Variants in COL18A1 observed in about 807,000 individuals in gnomAD.
COL18A1 encodes collagen type XVIII alpha 1 chain.
In COL18A1, 133 loss-of-function variants were observed where a neutral mutation model predicts 168.0. The ratio of observed to expected loss-of-function variants is 0.79; its 90% CI spans 0.69 to 0.91. The LOEUF (loss-of-function observed/expected upper bound fraction) is 0.91, where lower values mean the gene tolerates loss of function less well. COL18A1 is among the 40% of genes least tolerant of loss of function. The pLI is 0.00. For missense variants in COL18A1, 2,126 were observed against 1,925.4 expected (o/e 1.10, Z -1.95); for synonymous variants, 949 against 809.0 (o/e 1.17, Z -2.94).
chr21:45,508,806 C>T (rs2037403885), intron 38 of COL18A1, among the ~76,000 whole-genome samples: 1 of 152,148 alleles, frequency 6.6e-6, no homozygotes, highest in Non-Finnish European at 1.5e-5. Flanking sequence ...TAACACACAG[C>T]CTGGCCCTGT....
intron 9 of COL18A1, among the ~76,000 whole-genome samples, chr21:45,479,403 GCACGTGCACACATCA>G (rs1205574943): frequency 1.3e-5 from 2 of 150,320 alleles, no homozygotes; most frequent in Non-Finnish European, 3.0e-5. Context: ...CATGCTACAC[GCACGTGCACACATCA>G]CACGTGGACA....
chr21:45,497,856 C>A, intron 32 of COL18A1, 195 bp downstream of exon 32: 1 of 702,322 alleles, frequency 1.4e-6, no homozygotes, highest in Non-Finnish European at 2.4e-6. Context: ...GCGAGGGTGG[C>A]TGCAGGGCAC....
chr21:45,432,036 C>A (rs752013922), intron 2 of COL18A1, among the ~76,000 whole-genome samples: 2 of 152,224 alleles, frequency 1.3e-5, no homozygotes, highest in Non-Finnish European at 2.9e-5. Context: ...CACAGCTGAG[C>A]CTGCTGTGGG....
In COL18A1 at chr21:45,495,448, G is replaced by A. The variant is rs2146002811; in HGVS notation, c.2508+16G>A. ...TGGCATGAGGGTGAGTGTCTCTCAA[G>A]GGGCGGACTGGGTGGCTGGGAGACC... On this transcript the variant is annotated intron_variant, in intron 29 of 41. Coordinates refer to ENST00000651438, the MANE Select transcript of COL18A1 (RefSeq NM_001379500.1). 2 of 1,592,448 alleles carry A rather than the reference G, an allele frequency of 1.3e-6. No individual in the cohort carries two copies. Among genetic ancestry groups the A allele is most frequent in the Non-Finnish European group, 1.7e-6 (2 of 1,167,646 alleles).
rs559454036 is a variant in COL18A1, at chr21:45,488,069, G to A, written c.1897-349G>A. Among the ~76,000 whole-genome samples, 47 of 152,222 alleles carry A rather than the reference G, an allele frequency of 3.1e-4. 1 individual carries two copies. Among genetic ancestry groups the A allele is most frequent in the Non-Finnish European group, 5.3e-4 (36 of 68,028 alleles). ...TCCCCTCCACACCACCAGCGCTCTCGTGGCGCCAGCATGGAGGAGCCCCCG... is the reference window on the plus strand; with the variant it reads ...TCCCCTCCACACCACCAGCGCTCTCATGGCGCCAGCATGGAGGAGCCCCCG... On this transcript the variant is annotated intron_variant, in intron 17 of 41. Coordinates refer to ENST00000651438, the MANE Select transcript of COL18A1 (RefSeq NM_001379500.1).
In COL18A1 at chr21:45,494,873, A is replaced by G. The variant is rs746156581; in HGVS notation, c.2391A>G (p.Gly797=). Reference sequence around the variant, plus strand: ...CCTTCCTCTTGCAGGGTCCATACGGACGGCCGGGGTACAAGGGAGAGATTG... The same window carrying G: ...CCTTCCTCTTGCAGGGTCCATACGGGCGGCCGGGGTACAAGGGAGAGATTG... ...PGFRGPPGPY[G]RPGYKGEIGF... The change falls in exon 28 of 42, where the codon GGA becomes GGG. Residue 797 remains glycine, a synonymous_variant. Transcript: ENST00000651438. The G allele has an allele frequency of 7.5e-6, 12 of 1,609,878 alleles. No individual in the cohort carries two copies. Among genetic ancestry groups the G allele is most frequent in the African/African-American group, 2.7e-5 (2 of 74,798 alleles).
In COL18A1 at chr21:45,478,272, A is replaced by G. The variant is rs1193681616; in HGVS notation, c.1222-55A>G. On this transcript the variant is annotated intron_variant, in intron 8 of 41. Coordinates refer to ENST00000651438, the MANE Select transcript of COL18A1 (RefSeq NM_001379500.1). ...GGGTGCATTTCCATGTAGACACTGT[A>G]GGTGGCGCCGGAGGAGTCATTTCCC... 1.9e-6 allele frequency: 3 copies of G among 1,611,236 alleles called. No individual in the cohort carries two copies. The African/African-American group carries it at 4.0e-5, about 22-fold the overall frequency.
Position 45,506,860 on chromosome 21 carries a change from C to T in COL18A1, c.3217-701C>T, listed in dbSNP as rs538296970. Reference sequence around the variant, plus strand: ...GCCCCCTCCTAGGCCTGGCCAGCCCCTGCAGCACCCCAGACAGTGAATCCC... The same window carrying T: ...GCCCCCTCCTAGGCCTGGCCAGCCCTTGCAGCACCCCAGACAGTGAATCCC... On this transcript the variant is annotated intron_variant, in intron 37 of 41. Transcript: ENST00000651438. The T allele has an allele frequency of 2.2e-5, 4 of 182,256 alleles. No individual in the cohort carries two copies. In the South Asian group the frequency reaches 4.5e-4, roughly 20 times the overall value. The allele number at this position is 182,256 out of a possible 1,614,324, so 11.3% of individuals were successfully genotyped here. A position where few individuals can be genotyped will look rare whatever the true frequency, so the allele number is the denominator to read the frequency against.
chr21:45,454,553 C>T lies in COL18A1; in HGVS notation c.107-13689C>T, dbSNP rs551989250. Among the ~76,000 whole-genome samples the T allele has an allele frequency of 1.6e-3, 246 of 152,332 alleles. 1 individual carries two copies. The highest frequency in any genetic ancestry group is 5.7e-3 in the African/African-American group (238 of 41,576). On this transcript the variant is annotated intron_variant, in intron 2 of 41. Transcript: ENST00000651438. ...TGAGTGAGCACGCCTGTGTAAACTGCCTGGCTCCACCTCTGATGGGCTCCG... is the reference window on the plus strand; with the variant it reads ...TGAGTGAGCACGCCTGTGTAAACTGTCTGGCTCCACCTCTGATGGGCTCCG...
At chr21:45,448,680 G>C (rs138370492) in intron 2 of COL18A1, among the ~76,000 whole-genome samples, 1 of 152,350 alleles carries the variant, frequency 6.6e-6, no homozygotes, top group South Asian at 2.1e-4. Flanking sequence ...TCATTGTCAC[G>C]CCTGAGAAGT....
intron 19 of COL18A1, among the ~76,000 whole-genome samples, chr21:45,489,798 C>G (rs1401056503): frequency 6.7e-6 from 1 of 150,008 alleles, no homozygotes; most frequent in East Asian, 2.0e-4. Context: ...GCCCCTGCCA[C>G]CGGCCTCCCG....
In COL18A1 at chr21:45,483,334, G is replaced by A. The variant is rs541038209; in HGVS notation, c.1701+513G>A. On this transcript the variant is annotated intron_variant, in intron 15 of 41. Transcript: ENST00000651438. The stretch of plus-strand genomic sequence containing the variant: ...TGAAGGCAGCCCGGGTGTCCTTGGC[G>A]GCCCTGGCCTGGCCCAGAGTCTGCT... Among the ~76,000 whole-genome samples the A allele has an allele frequency of 9.2e-5, 14 of 152,324 alleles. No homozygotes were observed. In the East Asian group the frequency reaches 1.5e-3, roughly 17 times the overall value.
chr21:45,488,486 G>A (rs756879985), intron 18 of COL18A1, 42 bp downstream of exon 18: 6 of 1,612,922 alleles, frequency 3.7e-6, no homozygotes, highest in South Asian at 1.1e-5. Context: ...TTGCTGGCTT[G>A]GCCCTGTCTC....
rs948717049 is a variant in COL18A1 at position 45,498,026 on chromosome 21, G to A, written c.2683+365G>A. Among the ~76,000 whole-genome samples, 2 of 152,154 alleles carry A rather than the reference G, an allele frequency of 1.3e-5. No individual in the cohort carries two copies. The highest frequency in any genetic ancestry group is 4.8e-5 in the African/African-American group (2 of 41,424). Reference sequence around the variant, plus strand: ...GGTCGGCACTGGAGGACCCTCTGTCGAGAAACTCTCCAGGGTTTCATGTGG... The same window carrying A: ...GGTCGGCACTGGAGGACCCTCTGTCAAGAAACTCTCCAGGGTTTCATGTGG... On this transcript the variant is annotated intron_variant, in intron 32 of 41. Coordinates refer to ENST00000651438, the MANE Select transcript of COL18A1 (RefSeq NM_001379500.1). This position sits in a 1 kb window ranked among gnomAD's most constrained non-coding sequence, Gnocchi z 4.5.
intron 2 of COL18A1, among the ~76,000 whole-genome samples, chr21:45,458,336 A>T (rs982542328): frequency 1.3e-5 from 2 of 150,388 alleles, no homozygotes; most frequent in African/African-American, 4.9e-5. Flanking sequence ...GGCATCTCGT[A>T]GGGCTGGAGC....
chr21:45,501,208 G>T (rs2036803011), intron 32 of COL18A1, among the ~76,000 whole-genome samples: 1 of 151,958 alleles, frequency 6.6e-6, no homozygotes, highest in Non-Finnish European at 1.5e-5. Flanking sequence ...GAGAAATTGA[G>T]TAATTCTACA....
intron 38 of COL18A1, among the ~76,000 whole-genome samples, chr21:45,508,656 CAG>C (rs1297138220): frequency 2.0e-5 from 3 of 152,298 alleles, no homozygotes; most frequent in Admixed American, 6.5e-5. Flanking sequence ...GGAGCAGTGT[CAG>C]GGGCTCCACA....
intron 2 of COL18A1, among the ~76,000 whole-genome samples, chr21:45,435,954 A>G (rs2034084469): frequency 6.6e-6 from 1 of 152,094 alleles, no homozygotes; most frequent in South Asian, 2.1e-4. Flanking sequence ...CTCACCCACT[A>G]TCCTTCACAG....
chr21:45,498,177 C>G lies in COL18A1; in HGVS notation c.2683+516C>G, dbSNP rs1372301129. ...TGGCAGGGCTGCTTGGATGTCCTGC[C>G]AAGACCACTGAGAACAGCTGGATAA... On this transcript the variant is annotated intron_variant, in intron 32 of 41. Transcript: ENST00000651438. The surrounding 1 kb of genome is among the most constrained non-coding windows in gnomAD (Gnocchi z 4.5). 4 of 685,398 alleles carry G rather than the reference C, an allele frequency of 5.8e-6. No individual in the cohort carries two copies. The highest frequency in any genetic ancestry group is 3.5e-5 in the African/African-American group (2 of 56,696). The allele number at this position is 685,398 out of a possible 1,614,324, so 42.5% of individuals were successfully genotyped here. A position where few individuals can be genotyped will look rare whatever the true frequency, so the allele number is the denominator to read the frequency against.
Sources: allele counts gnomAD v4.1 joint callset (sites outside exome capture counted in the v4.1 genomes callset), GRCh38; gene constraint gnomAD v4.1.1; non-coding constraint Gnocchi (gnomAD v3.1); transcripts MANE v1.5; gene names NCBI Gene and HGNC (gene_info 2026-07-23, HGNC 2026-07-21).